HMOX2: variants seen among roughly 807,000 people sequenced by gnomAD.
HMOX2 encodes the protein heme oxygenase 2, also known as heme oxygenase (decycling) 2.
A neutral mutation model predicts 33.7 loss-of-function variants in HMOX2; 30 were observed. The ratio of observed to expected loss-of-function variants is 0.89; its 90% CI spans 0.67 to 1.21. HMOX2 has a LOEUF of 1.21. Ranked by LOEUF, HMOX2 falls within the 50% of genes most tolerant of loss-of-function variation. HMOX2 has a pLI of 0.00. For missense variants in HMOX2, 403 were observed against 399.1 expected, an observed-to-expected ratio of 1.01 and a Z score of -0.08; for synonymous variants, 155 against 155.0, an observed-to-expected ratio of 1.00 and a Z score of 0.00.
intron 1 of HMOX2, among the ~76,000 whole-genome samples, chr16:4,498,285 T>G (rs1374453342): frequency 2.6e-5 from 4 of 152,006 alleles, no homozygotes; most frequent in Non-Finnish European, 5.9e-5. Context: ...CAGGCTGGTC[T>G]TGAATGCCTG....
chr16:4,508,509 G>GA (rs1482117607), intron 4 of HMOX2, among the ~76,000 whole-genome samples: 1 of 152,178 alleles, frequency 6.6e-6, no homozygotes, highest in African/African-American at 2.4e-5. Context: ...TGGTCTTGAA[G>GA]AATGGTTAAT....
intron 3 of HMOX2, among the ~76,000 whole-genome samples, chr16:4,507,377 G>A (rs369218734): frequency 1.1e-4 from 17 of 151,884 alleles, no homozygotes; most frequent in African/African-American, 2.2e-4. Flanking sequence ...CCTGGGAGGC[G>A]GAGGTTACAG....
At chr16:4,482,582 T>G (rs1287463238) in intron 1 of HMOX2, among the ~76,000 whole-genome samples, 1 of 152,202 alleles carries the variant, frequency 6.6e-6, no homozygotes, top group Non-Finnish European at 1.5e-5. Flanking sequence ...TAGTCACAAG[T>G]AGTAAATTGT....
In HMOX2 at chr16:4,509,886, A is replaced by G. The variant is rs895904674; in HGVS notation, c.*130A>G. ...GCTGGGTTTAAGAAAGGCAACCAAT[A>G]AAAGCCAGATGCTAGAGCCTCTGCC... On this transcript the variant is annotated 3_prime_UTR_variant, in exon 6 of 6. Transcript: ENST00000570646. 9.8e-7 allele frequency: 1 copy of G among 1,018,408 alleles called. No homozygotes were observed. The highest frequency in any genetic ancestry group is 1.4e-6 in the Non-Finnish European group (1 of 706,650). The allele number at this position is 1,018,408 out of a possible 1,614,324, so 63.1% of individuals were successfully genotyped here. A position where few individuals can be genotyped will look rare whatever the true frequency, so the allele number is the denominator to read the frequency against.
At chr16:4,508,230 AG>A in intron 4 of HMOX2, 26 bp downstream of exon 4, 1 of 1,568,002 alleles carries the variant, frequency 6.4e-7, no homozygotes, top group East Asian at 2.2e-5. Context: ...GCCAGCTGCT[AG>A]GGCTGAAGAG....
chr16:4,490,307 A>G (rs905562164), intron 1 of HMOX2, among the ~76,000 whole-genome samples: 5 of 152,298 alleles, frequency 3.3e-5, no homozygotes, highest in African/African-American at 1.2e-4. Context: ...GGAGGCCCAC[A>G]GCCTTTCCTG....
chr16:4,496,940 T>C (rs892576528), intron 1 of HMOX2, among the ~76,000 whole-genome samples: 1 of 151,698 alleles, frequency 6.6e-6, no homozygotes, highest in South Asian at 2.1e-4. Flanking sequence ...CAAGTGATCC[T>C]TCAGCCTCGG....
chr16:4,506,773 G>T, intron 2 of HMOX2, 122 bp from the exon 3 acceptor site: 1 of 701,734 alleles, frequency 1.4e-6, no homozygotes, highest in Non-Finnish European at 2.6e-6. Context: ...TGTCTGAGAA[G>T]CCCCAGCCTC....
rs529898662 is a variant in HMOX2, at chr16:4,482,831, C to T, written c.-42+6344C>T. 3.3e-5 allele frequency among the ~76,000 whole-genome samples: 5 copies of T among 152,126 alleles called. No individual in the cohort carries two copies. In the East Asian group the frequency reaches 9.7e-4, roughly 29 times the overall value. Reference sequence around the variant, plus strand: ...TCACCTGAGGTCAGGAGTTTGAGACCAGCCTGACCAATGTGGTGAAACCCC... The same window carrying T: ...TCACCTGAGGTCAGGAGTTTGAGACTAGCCTGACCAATGTGGTGAAACCCC... On this transcript the variant is annotated intron_variant, in intron 1 of 5. Transcript: ENST00000570646.
At chr16:4,481,223 CCTGTAGTCCCGGCTACTCGGGAGG>C (rs999515534) in intron 1 of HMOX2, among the ~76,000 whole-genome samples, 5 of 151,788 alleles carry the variant, frequency 3.3e-5, no homozygotes, top group Non-Finnish European at 5.9e-5. Flanking sequence ...GTGGCGGGCG[CCTGTAGTCCCGGCTACTCGGGAGG>C]CTGAGGCAGG....
At chr16:4,495,927 C>G (rs1029680816) in intron 1 of HMOX2, 2 of 152,122 alleles carry the variant, frequency 1.3e-5, no homozygotes, top group African/African-American at 2.4e-5. Context: ...ATGCCATCCT[C>G]CCCTGCTGGA....
intron 1 of HMOX2, among the ~76,000 whole-genome samples, chr16:4,487,183 C>T (rs1021937190): frequency 1.3e-5 from 2 of 152,006 alleles, no homozygotes; most frequent in Admixed American, 1.3e-4. Context: ...CACCTGAGCC[C>T]AGGAGTTGAG....
chr16:4,509,822 CCT>C lies in HMOX2; in HGVS notation c.*67_*68del. On this transcript the variant is annotated 3_prime_UTR_variant, in exon 6 of 6. Coordinates refer to ENST00000570646, the MANE Select transcript of HMOX2 (RefSeq NM_002134.4). Reference sequence around the variant, plus strand: ...CCACTGGCCTACCCCTTTCTCCAGCCCTGACTAAACTACCACCTCAGGTGACT... The same window carrying C: ...CCACTGGCCTACCCCTTTCTCCAGCCGACTAAACTACCACCTCAGGTGACT... 1 of 1,524,152 alleles carries C rather than the reference CCT, an allele frequency of 6.6e-7. No individual in the cohort carries two copies. The allele number at this position is 1,524,152 out of a possible 1,614,324, so 94.4% of individuals were successfully genotyped here.
intron 4 of HMOX2, among the ~76,000 whole-genome samples, chr16:4,509,000 T>C (rs970279987): frequency 1.3e-5 from 2 of 152,176 alleles, no homozygotes; most frequent in Non-Finnish European, 2.9e-5. Flanking sequence ...TGCTGTGTAG[T>C]TGGCACACCT....
chr16:4,508,267 C>T, intron 4 of HMOX2, 63 bp downstream of exon 4: 1 of 1,507,020 alleles, frequency 6.6e-7, no homozygotes, highest in Admixed American at 2.0e-5. Context: ...GGTAGCAGAT[C>T]CATAGTGGCC....
At chr16:4,478,567 A>T (rs1050199527) in intron 1 of HMOX2, among the ~76,000 whole-genome samples, 1 of 151,958 alleles carries the variant, frequency 6.6e-6, no homozygotes, top group African/African-American at 2.4e-5. Context: ...CCTGACCAAC[A>T]TGGAAAAACC....
intron 1 of HMOX2, among the ~76,000 whole-genome samples, chr16:4,503,381 C>G (rs1228813957): frequency 6.6e-6 from 1 of 152,214 alleles, no homozygotes; most frequent in Admixed American, 6.5e-5. Flanking sequence ...CCTCTGCATA[C>G]TCTTCCCTGC....
intron 1 of HMOX2, among the ~76,000 whole-genome samples, chr16:4,487,794 A>AC (rs1379274772): frequency 6.7e-6 from 1 of 150,234 alleles, no homozygotes; most frequent in East Asian, 1.9e-4. Context: ...TCTCAAAAAA[A>AC]AAAAAAATTA....
At chr16:4,491,544 TG>T (rs969031596) in intron 1 of HMOX2, among the ~76,000 whole-genome samples, 4 of 151,744 alleles carry the variant, frequency 2.6e-5, no homozygotes, top group Non-Finnish European at 1.5e-5. Context: ...CCCAGGTACT[TG>T]GGGGGCTGAG....
Sources: allele counts gnomAD v4.1 joint callset (sites outside exome capture counted in the v4.1 genomes callset), GRCh38; gene constraint gnomAD v4.1.1; transcripts MANE v1.5; gene names NCBI Gene and HGNC (gene_info 2026-07-23, HGNC 2026-07-21).